The following BBOF1 variants were observed in gnomAD, a reference collection of about 807,000 sequenced individuals.
BBOF1 encodes the protein basal body orientation factor 1, also known as basal body-orientation factor 1.
In BBOF1, 62 loss-of-function variants were observed where a neutral mutation model predicts 68.0. The observed-to-expected ratio is 0.91, with a 90% CI of 0.74 to 1.13. The LOEUF is 1.13. Among genes scored for constraint, BBOF1 ranks in the 50% most tolerant of loss-of-function variants. The probability of loss-of-function intolerance (pLI) is 0.00; values close to 1 mark genes in which losing one functional copy is unlikely to be tolerated. For missense variants in BBOF1, 534 were observed against 600.1 expected (o/e 0.89, Z 1.15); for synonymous variants, 208 against 198.8 (o/e 1.05, Z -0.39).
At chr14:74,057,597 A>G in intron 11 of BBOF1, 1 of 1,331,960 alleles carries the variant, frequency 7.5e-7, no homozygotes, top group South Asian at 1.3e-5. Context: ...GTGGGAAGTC[A>G]GAGTCATTAC....
At chr14:74,035,734 A>C (rs1258098712) in intron 4 of BBOF1, among the ~76,000 whole-genome samples, 1 of 151,562 alleles carries the variant, frequency 6.6e-6, no homozygotes, top group Non-Finnish European at 1.5e-5. Context: ...TGCTCAGCCC[A>C]TATGGGCCCT....
In BBOF1 at chr14:74,064,817, G is replaced by T. The variant is rs1178713177; in HGVS notation, c.*118G>T. On this transcript the variant is annotated 3_prime_UTR_variant, in exon 12 of 12. Transcript: ENST00000394009. ...AAAAGACAAAAAATTTAACTCAAAA[G>T]TTACCTGTTTGCCATAGAAATTGGT... The T allele has an allele frequency of 1.2e-6, 2 of 1,613,720 alleles. No individual in the cohort carries two copies. The highest frequency in any genetic ancestry group is 2.7e-5 in the African/African-American group (2 of 74,838).
chr14:74,072,017 C>T, intron 9 of BBOF1: 1 of 1,600,790 alleles, frequency 6.2e-7, no homozygotes, highest in South Asian at 1.1e-5. Flanking sequence ...CAAGAATGTT[C>T]CTCTTTTAAA....
At chr14:74,026,373 C>A (rs1157852978) in intron 2 of BBOF1, among the ~76,000 whole-genome samples, 1 of 124,936 alleles carries the variant, frequency 8.0e-6, no homozygotes, top group Non-Finnish European at 1.6e-5. Context: ...ACACAGGAGG[C>A]GGAGGTTGCA....
intron 10 of BBOF1, among the ~76,000 whole-genome samples, chr14:74,080,300 T>C (rs2060657752): frequency 6.6e-6 from 1 of 152,072 alleles, no homozygotes; most frequent in Admixed American, 6.6e-5. Flanking sequence ...TATACCATCA[T>C]TGTCTCTCAC....
intron 9 of BBOF1, chr14:74,072,156 A>C: frequency 3.1e-6 from 5 of 1,613,476 alleles, no homozygotes; most frequent in Non-Finnish European, 3.4e-6. Flanking sequence ...AGTGACAAAC[A>C]TGCCCTAGGT....
At chr14:74,071,082 T>A (rs1440391781), downstream of BBOF1, 1 of 1,085,162 alleles carries the variant, frequency 9.2e-7, no homozygotes, top group African/African-American at 1.6e-5. Context: ...TTAAAATGAG[T>A]AAATCCTTTC....
intron 2 of BBOF1, 39 bp downstream of exon 2, chr14:74,023,183 C>A: frequency 8.5e-7 from 1 of 1,171,144 alleles, no homozygotes; most frequent in Non-Finnish European, 1.2e-6. Context: ...CATTAACTAC[C>A]TCTATGGTGA....
chr14:74,030,554 G>A (rs1304065670), intron 3 of BBOF1, among the ~76,000 whole-genome samples: 1 of 151,698 alleles, frequency 6.6e-6, no homozygotes, highest in African/African-American at 2.4e-5. Context: ...GGAGTGCAGT[G>A]GCGCAATCTC....
intron 1 of BBOF1, among the ~76,000 whole-genome samples, chr14:74,021,786 A>G (rs1324449542): frequency 2.0e-5 from 3 of 152,074 alleles, no homozygotes; most frequent in African/African-American, 7.2e-5. Context: ...GGGCTCCTGT[A>G]GTCCCAGCTA....
At chr14:74,047,826 C>A in intron 6 of BBOF1, 104 bp from the exon 7 acceptor site, 1 of 947,164 alleles carries the variant, frequency 1.1e-6, no homozygotes, top group Non-Finnish European at 1.5e-6. Context: ...AGGTGGTAGT[C>A]ACTATTGATA....
At chr14:74,060,279 C>T (rs1021524228) in intron 11 of BBOF1, 15 of 248,664 alleles carry the variant, frequency 6.0e-5, no homozygotes, top group Non-Finnish European at 1.1e-4. Context: ...GAATTACAGG[C>T]GTGAGCCACC....
At position 74,065,235 on chromosome 14, in the gene BBOF1, G is replaced by T; in HGVS notation, c.*536G>T. On this transcript the variant is annotated 3_prime_UTR_variant, in exon 12 of 12. Coordinates refer to ENST00000394009, the MANE Select transcript of BBOF1 (RefSeq NM_025057.3). ...TCCGAGCAGTGGCTCCATTGGTGGT[G>T]AAGATGGCAGTTCCATTTCCATATG... The T allele has an allele frequency of 6.2e-7, 1 of 1,614,140 alleles. No homozygotes were observed. Among genetic ancestry groups the T allele is most frequent in the Non-Finnish European group, 8.5e-7 (1 of 1,180,016 alleles).
At chr14:74,081,676 G>A (rs2060669127) in intron 12 of BBOF1, among the ~76,000 whole-genome samples, 1 of 152,044 alleles carries the variant, frequency 6.6e-6, no homozygotes. Context: ...TTCATGGCCT[G>A]CTAGTCCTGC....
chr14:74,019,852 G>A (rs2059219836), intron 1 of BBOF1, among the ~76,000 whole-genome samples: 1 of 152,244 alleles, frequency 6.6e-6, no homozygotes, highest in Non-Finnish European at 1.5e-5. Context: ...CAGAGCCACT[G>A]AGGTGGGTAA....
In BBOF1 at chr14:74,048,235, T is replaced by A. The variant is rs558155950; in HGVS notation, c.792+161T>A. 45 of 595,588 alleles carry A rather than the reference T, an allele frequency of 7.6e-5. 1 individual carries two copies. The South Asian group carries it at 1.1e-3, about 15-fold the overall frequency. 36.9% of individuals were successfully genotyped at this position (595,588 alleles called of 1,614,324 possible). ...TTATCTGAAAAGGTTAAATACTCAATCTTATAATGCTTATAAGAAGCATTA... is the reference window on the plus strand; with the variant it reads ...TTATCTGAAAAGGTTAAATACTCAAACTTATAATGCTTATAAGAAGCATTA... On this transcript the variant is annotated intron_variant, in intron 7 of 11. Coordinates refer to ENST00000394009, the MANE Select transcript of BBOF1 (RefSeq NM_025057.3).
intron 2 of BBOF1, among the ~76,000 whole-genome samples, chr14:74,027,624 G>A (rs1179581721): frequency 6.6e-6 from 1 of 151,926 alleles, no homozygotes; most frequent in Non-Finnish European, 1.5e-5. Flanking sequence ...TAACTTTTAG[G>A]TGGAGAAAGT....
intron 3 of BBOF1, among the ~76,000 whole-genome samples, chr14:74,032,118 ATTTT>A (rs780515040): frequency 3.0e-4 from 30 of 99,660 alleles, no homozygotes; most frequent in East Asian, 2.2e-3. Context: ...CTCAAAGTTG[ATTTT>A]TTTTTTTTTT....
intron 3 of BBOF1, chr14:74,031,662 G>A (rs1017975161): frequency 1.4e-4 from 22 of 152,208 alleles, no homozygotes; most frequent in Admixed American, 1.1e-3. Flanking sequence ...TTGACAGAGA[G>A]AGAAAGCTCT....
Sources: gnomAD v4.1 joint callset for allele counts (sites outside exome capture counted in the v4.1 genomes callset) on GRCh38, gnomAD v4.1.1 for gene constraint, MANE v1.5 for transcripts, NCBI Gene and HGNC (gene_info 2026-07-23, HGNC 2026-07-21) for gene names.